The following FBXW10 variants were observed in gnomAD, a reference collection of about 807,000 sequenced individuals.
FBXW10 encodes the protein F-box and WD repeat domain containing 10.
In FBXW10, 68 loss-of-function variants were observed where a neutral mutation model predicts 113.1. That is an observed-to-expected ratio of 0.60 (90% CI 0.49 to 0.74). The LOEUF is 0.74. Ranked by LOEUF, FBXW10 falls within the 30% of genes least tolerant of loss-of-function variation. FBXW10 has a pLI of 0.00. For synonymous variants in FBXW10, 289 were observed against 481.6 expected (o/e 0.60, Z 5.24); for missense variants, 753 against 1,284.5 (o/e 0.59, Z 6.32).
At chr17:18,760,677 C>A (rs188262588) in intron 7 of FBXW10, among the ~76,000 whole-genome samples, 1 of 151,864 alleles carries the variant, frequency 6.6e-6, no homozygotes, top group Non-Finnish European at 1.5e-5. Context: ...GTGGCACATG[C>A]CTGTAATCTC....
intron 9 of FBXW10, among the ~76,000 whole-genome samples, chr17:18,767,244 A>G (rs922417719): frequency 3.9e-5 from 6 of 152,014 alleles, no homozygotes; most frequent in Non-Finnish European, 5.9e-5. Flanking sequence ...AGGCCGAGGC[A>G]GGCGGATCAT....
chr17:18,764,445 C>T (rs1253196710), intron 7 of FBXW10, among the ~76,000 whole-genome samples: 1 of 152,094 alleles, frequency 6.6e-6, no homozygotes, highest in African/African-American at 2.4e-5. Context: ...CATGATCTGC[C>T]CGCCTCAGCC....
chr17:18,769,626 A>G, intron 10 of FBXW10: 1 of 281,310 alleles, frequency 3.6e-6, no homozygotes, highest in South Asian at 6.0e-5. Flanking sequence ...AATACAAAAA[A>G]ATTAGCCAGG....
chr17:18,756,306 A>G (rs992905103), intron 6 of FBXW10, 152 bp downstream of exon 6: 1 of 676,824 alleles, frequency 1.5e-6, no homozygotes, highest in Non-Finnish European at 2.6e-6. Context: ...CATGTAGACA[A>G]TACCTGCTTC....
intron 9 of FBXW10, among the ~76,000 whole-genome samples, chr17:18,768,005 C>A (rs2035530960): frequency 1.0e-5 from 1 of 99,720 alleles, no homozygotes; most frequent in Admixed American, 1.0e-4. Flanking sequence ...TTTATTTTTT[C>A]TTTTCCTTCC....
At chr17:18,761,243 G>C (rs1385778303) in intron 7 of FBXW10, among the ~76,000 whole-genome samples, 1 of 151,862 alleles carries the variant, frequency 6.6e-6, no homozygotes, top group Non-Finnish European at 1.5e-5. Context: ...ATGTGACGGG[G>C]AGGGAAATTC....
chr17:18,748,561 G>C (rs2035093878), intron 2 of FBXW10, among the ~76,000 whole-genome samples: 1 of 151,956 alleles, frequency 6.6e-6, no homozygotes, highest in African/African-American at 2.4e-5. Flanking sequence ...AATGTGCTGG[G>C]CTCTTTGACA....
chr17:18,750,463 A>G (rs1257231267), intron 4 of FBXW10, among the ~76,000 whole-genome samples: 1 of 151,024 alleles, frequency 6.6e-6, no homozygotes, highest in African/African-American at 2.4e-5. Flanking sequence ...GAAAGCCATA[A>G]ATGTGTCTCT....
intron 10 of FBXW10, 89 bp downstream of exon 10, chr17:18,768,765 C>T: frequency 7.3e-7 from 1 of 1,366,920 alleles, no homozygotes; most frequent in South Asian, 1.3e-5. Flanking sequence ...AGACCTTCTG[C>T]TCCCTGTAGA....
At chr17:18,758,190 A>G (rs2035303641) in intron 6 of FBXW10, 115 bp from the exon 7 acceptor site, 1 of 1,435,462 alleles carries the variant, frequency 7.0e-7, no homozygotes, top group South Asian at 1.4e-5. Flanking sequence ...CCTTGTTGAA[A>G]GGCCCTGGAT....
intron 11 of FBXW10, among the ~76,000 whole-genome samples, chr17:18,772,193 A>T (rs529885273): frequency 1.3e-5 from 2 of 152,342 alleles, no homozygotes; most frequent in East Asian, 3.9e-4. Context: ...GATCATGTTT[A>T]TTTTTTAAAG....
At chr17:18,775,076 T>C in intron 12 of FBXW10, 60 bp from the exon 13 acceptor site, 1 of 1,089,602 alleles carries the variant, frequency 9.2e-7, no homozygotes, top group East Asian at 2.4e-5. Flanking sequence ...TTGATTATAT[T>C]ATTTTATGCC....
chr17:18,760,924 C>T (rs2035369580), intron 7 of FBXW10, among the ~76,000 whole-genome samples: 1 of 151,432 alleles, frequency 6.6e-6, no homozygotes, highest in Admixed American at 6.6e-5. Context: ...ACAGTTTTAT[C>T]TTTTGCATTC....
intron 12 of FBXW10, among the ~76,000 whole-genome samples, chr17:18,773,581 G>A (rs748597514): frequency 2.0e-5 from 3 of 152,196 alleles, no homozygotes; most frequent in Non-Finnish European, 2.9e-5. Flanking sequence ...GTGGGTTAGA[G>A]TAGCAAGACT....
Position 18,764,763 on chromosome 17 carries a change from G to A in FBXW10, c.1455G>A (p.Gly485=). 1 of 1,613,760 alleles carries A rather than the reference G, an allele frequency of 6.2e-7. No individual in the cohort carries two copies. Among genetic ancestry groups the A allele is most frequent in the East Asian group, 2.2e-5 (1 of 44,880 alleles). Residue 485 remains glycine (G), a synonymous_variant, in exon 8 of 14, where the codon GGG becomes GGA. Coordinates refer to ENST00000395665, the MANE Select transcript of FBXW10 (RefSeq NM_001267585.2). The part of the protein sequence containing the change: ...LSIRYWDLKS[G]VCTRIFGGHQ... ...GCAGATACTGGGATCTGAAAAGTGG[G>A]GTTTGCACACGAATCTTCGGTGGTC...
intron 12 of FBXW10, 54 bp downstream of exon 12, chr17:18,772,737 G>T: frequency 6.7e-7 from 1 of 1,501,288 alleles, no homozygotes; most frequent in Non-Finnish European, 9.1e-7. Flanking sequence ...GCAGGTCGGG[G>T]TTTGGTGGGG....
At chr17:18,765,743 T>G (rs1357627396) in intron 8 of FBXW10, among the ~76,000 whole-genome samples, 1 of 152,140 alleles carries the variant, frequency 6.6e-6, no homozygotes, top group Admixed American at 6.5e-5. Flanking sequence ...TCCTTTTTTT[T>G]TTGAGATGGA....
At chr17:18,769,456 A>G (rs2035565801) in intron 10 of FBXW10, 1 of 154,410 alleles carries the variant, frequency 6.5e-6, no homozygotes, top group South Asian at 2.0e-4. Context: ...GTCTTGAGAG[A>G]AGCTCACGGT....
At chr17:18,753,190 G>A (rs989519525) in intron 5 of FBXW10, among the ~76,000 whole-genome samples, 1 of 152,184 alleles carries the variant, frequency 6.6e-6, no homozygotes, top group Non-Finnish European at 1.5e-5. Flanking sequence ...GAAGTGGGGG[G>A]ACAGTCTCTT....
Sources: allele counts gnomAD v4.1 joint callset (sites outside exome capture counted in the v4.1 genomes callset), GRCh38; gene constraint gnomAD v4.1.1; transcripts MANE v1.5; gene names NCBI Gene and HGNC (gene_info 2026-07-23, HGNC 2026-07-21).